Variants in ASIC2 observed in about 807,000 individuals in gnomAD.
The protein encoded by ASIC2 is acid-sensing ion channel 2.
Under a neutral mutation model 57.3 loss-of-function variants are expected in ASIC2, and 25 were observed. That is an observed-to-expected ratio of 0.44 (90% CI 0.32 to 0.61). The LOEUF (loss-of-function observed/expected upper bound fraction) is 0.61, where lower values mean the gene tolerates loss of function less well. Ranked by LOEUF, ASIC2 falls within the 20% of genes least tolerant of loss-of-function variation. ASIC2 has a pLI of 0.06. For synonymous variants in ASIC2, 319 were observed against 307.5 expected (o/e 1.04, Z -0.39); for missense variants, 641 against 738.1 (o/e 0.87, Z 1.52).
At chr17:33,614,746 C>T (rs1053517082) in intron 1 of ASIC2, among the ~76,000 whole-genome samples, 4 of 152,206 alleles carry the variant, frequency 2.6e-5, no homozygotes, top group African/African-American at 9.6e-5. Context: ...AACACACACC[C>T]ACATGCACAT....
intron 1 of ASIC2, among the ~76,000 whole-genome samples, chr17:33,494,796 C>T (rs932126502): frequency 6.6e-6 from 1 of 152,142 alleles, no homozygotes; most frequent in African/African-American, 2.4e-5. Context: ...CTCTCCCTAG[C>T]TCATTATTAG....
At chr17:33,203,518 C>A (rs533936228) in intron 1 of ASIC2, among the ~76,000 whole-genome samples, 13 of 152,194 alleles carry the variant, frequency 8.5e-5, no homozygotes, top group Admixed American at 7.2e-4. Flanking sequence ...TCCTCCAGCA[C>A]TTCTGTCCTC....
chr17:33,961,562 G>A (rs918009942), intron 1 of ASIC2, among the ~76,000 whole-genome samples: 1 of 152,162 alleles, frequency 6.6e-6, no homozygotes, highest in East Asian at 1.9e-4. Context: ...TCCTCACAGG[G>A]GCAGCCAAAG....
chr17:33,674,799 C>T (rs967914885), intron 1 of ASIC2, among the ~76,000 whole-genome samples: 1 of 152,172 alleles, frequency 6.6e-6, no homozygotes, highest in Non-Finnish European at 1.5e-5. Flanking sequence ...TGCTCTCTGC[C>T]GGCCGAATGT....
intron 1 of ASIC2, among the ~76,000 whole-genome samples, chr17:34,098,864 G>C (rs991553516): frequency 6.6e-6 from 1 of 151,974 alleles, no homozygotes; most frequent in African/African-American, 2.4e-5. Context: ...AAACTCTAAG[G>C]GTTCTCAGTT....
In ASIC2 at chr17:34,015,802, A is replaced by G. The variant is rs998590886; in HGVS notation, c.555+140176T>C. Among the ~76,000 whole-genome samples, 5 of 152,224 alleles carry G rather than the reference A, an allele frequency of 3.3e-5. No homozygotes were observed. In the East Asian group the frequency reaches 9.6e-4, roughly 29 times the overall value. ...GTAAGACGTTTAGGTTAAACAAAAT[A>G]AAAAACAAACAAACAAAACATTTTA... On this transcript the variant is annotated intron_variant, in intron 1 of 9. Coordinates refer to the ASIC2 transcript ENST00000359872.
chr17:33,630,247 A>G (rs903854428), intron 1 of ASIC2, among the ~76,000 whole-genome samples: 2 of 151,918 alleles, frequency 1.3e-5, no homozygotes, highest in Admixed American at 6.5e-5. Flanking sequence ...TCCCCATCTC[A>G]CATAAGTTGG....
intron 1 of ASIC2, among the ~76,000 whole-genome samples, chr17:34,098,121 C>T (rs1253697567): frequency 6.6e-6 from 1 of 152,098 alleles, no homozygotes. Context: ...TTGAATTAGA[C>T]ATGGTTGCCC....
intron 1 of ASIC2, among the ~76,000 whole-genome samples, chr17:33,989,758 G>A (rs1384093177): frequency 6.6e-6 from 1 of 152,130 alleles, no homozygotes; most frequent in Admixed American, 6.6e-5. Flanking sequence ...AGGTGTCACT[G>A]CAGAGACTTT....
chr17:33,937,035 A>G (rs1157143938), intron 1 of ASIC2, among the ~76,000 whole-genome samples: 1 of 152,076 alleles, frequency 6.6e-6, no homozygotes, highest in African/African-American at 2.4e-5. Context: ...TTCCTCAGTG[A>G]CTCTGGGAGG....
chr17:33,211,191 C>T (rs151209941), intron 1 of ASIC2, among the ~76,000 whole-genome samples: 50 of 152,140 alleles, frequency 3.3e-4, no homozygotes, highest in African/African-American at 1.1e-3. Flanking sequence ...CTTCCACGGA[C>T]CAAGGGGTTT....
chr17:33,231,029 C>T (rs1254439252), intron 1 of ASIC2, among the ~76,000 whole-genome samples: 3 of 152,260 alleles, frequency 2.0e-5, no homozygotes, highest in Admixed American at 6.5e-5. Flanking sequence ...AGAGGAAGAA[C>T]TAATAAGCTG....
intron 1 of ASIC2, among the ~76,000 whole-genome samples, chr17:33,179,079 TACGC>T (rs1472861460): frequency 6.6e-6 from 1 of 152,228 alleles, no homozygotes; most frequent in Non-Finnish European, 1.5e-5. Context: ...TTGGTGCCTT[TACGC>T]ACAGCCATTA....
At chr17:33,830,365 A>T (rs193192184) in intron 1 of ASIC2, among the ~76,000 whole-genome samples, 11 of 152,194 alleles carry the variant, frequency 7.2e-5, no homozygotes, top group African/African-American at 2.6e-4. Context: ...GTCAAAATAA[A>T]AGTGGGCCCT....
Position 33,202,213 on chromosome 17 carries a change from C to T in ASIC2, c.708+89195G>A, listed in dbSNP as rs545727506. On this transcript the variant is annotated intron_variant, in intron 1 of 9. Coordinates refer to ENST00000225823, the MANE Select transcript of ASIC2 (RefSeq NM_183377.2). ...GCAGGTGGCACAAACACCAACGATG[C>T]GGATGGGCTCCACAGCGAGCAGCGA... Among the ~76,000 whole-genome samples the T allele has an allele frequency of 1.2e-4, 18 of 152,174 alleles. No homozygotes were observed. The South Asian group carries it at 3.1e-3, about 26-fold the overall frequency.
chr17:34,073,829 G>A (rs760378330), intron 1 of ASIC2, among the ~76,000 whole-genome samples: 5 of 152,256 alleles, frequency 3.3e-5, no homozygotes, highest in East Asian at 1.9e-4. Context: ...GCCTCTCATC[G>A]GACTGTGAAT....
chr17:34,012,759 G>C (rs780273242), intron 1 of ASIC2, among the ~76,000 whole-genome samples: 1 of 151,700 alleles, frequency 6.6e-6, no homozygotes, highest in Non-Finnish European at 1.5e-5. Flanking sequence ...CACAGTCACA[G>C]TACATAGAAA....
At chr17:33,952,604 C>T (rs949618247) in intron 1 of ASIC2, among the ~76,000 whole-genome samples, 19 of 152,156 alleles carry the variant, frequency 1.2e-4, no homozygotes, top group African/African-American at 4.3e-4. Context: ...CGTCCAAATA[C>T]AGCCTCATTT....
chr17:33,816,976 C>T (rs563974490), intron 1 of ASIC2, among the ~76,000 whole-genome samples: 25 of 152,368 alleles, frequency 1.6e-4, no homozygotes, highest in African/African-American at 6.0e-4. Context: ...CCTGCCTGCC[C>T]TCACGGCTGA....
Sources: allele counts gnomAD v4.1 joint callset (sites outside exome capture counted in the v4.1 genomes callset), GRCh38; gene constraint gnomAD v4.1.1; transcripts MANE v1.5; gene names NCBI Gene and HGNC (gene_info 2026-07-23, HGNC 2026-07-21).